Variants in NTRK3 observed in about 807,000 individuals in gnomAD.
The protein encoded by NTRK3 is NT-3 growth factor receptor.
A neutral mutation model predicts 91.7 loss-of-function variants in NTRK3; 24 were observed. The ratio of observed to expected loss-of-function variants is 0.26; its 90% CI spans 0.19 to 0.37. The LOEUF (loss-of-function observed/expected upper bound fraction) is 0.37. Ranked by LOEUF, NTRK3 falls within the 10% of genes least tolerant of loss-of-function variation. NTRK3 has a pLI of 1.00. For synonymous variants in NTRK3, 483 were observed against 404.0 expected, an observed-to-expected ratio of 1.20 and a Z score of -2.34; for missense variants, 880 against 1,068.9, an observed-to-expected ratio of 0.82 and a Z score of 2.46.
At chr15:88,202,582 G>A (rs2048395891) in intron 3 of NTRK3, among the ~76,000 whole-genome samples, 1 of 152,252 alleles carries the variant, frequency 6.6e-6, no homozygotes, top group Non-Finnish European at 1.5e-5. Context: ...ACCCATTCAT[G>A]TCCATCTTCA....
chr15:87,913,286 A>G (rs2067227493), intron 17 of NTRK3, among the ~76,000 whole-genome samples: 1 of 152,104 alleles, frequency 6.6e-6, no homozygotes, highest in Admixed American at 6.6e-5. Flanking sequence ...TTCTCTGAAT[A>G]TGATCCTTCA....
At chr15:88,136,415 C>T (rs1429176887) in intron 8 of NTRK3, 52 bp downstream of exon 8, 10 of 1,612,588 alleles carry the variant, frequency 6.2e-6, no homozygotes, top group Non-Finnish European at 8.5e-6. Context: ...TTCAAGACTA[C>T]AGTGTGATCA....
At chr15:88,011,377 G>A (rs2076870233) in intron 14 of NTRK3, among the ~76,000 whole-genome samples, 1 of 152,146 alleles carries the variant, frequency 6.6e-6, no homozygotes, top group South Asian at 2.1e-4. Flanking sequence ...GACTCTACTA[G>A]TAAGTCTGTA....
intron 13 of NTRK3, among the ~76,000 whole-genome samples, chr15:88,108,412 C>G (rs767769093): frequency 6.6e-6 from 1 of 152,180 alleles, no homozygotes; most frequent in Non-Finnish European, 1.5e-5. Flanking sequence ...AGGATTCAAA[C>G]CTGGTGATCC....
chr15:88,230,944 A>G (rs2141722202), intron 3 of NTRK3, among the ~76,000 whole-genome samples: 1 of 152,352 alleles, frequency 6.6e-6, no homozygotes, highest in Non-Finnish European at 1.5e-5. Context: ...CCATGGCAGA[A>G]TGGGCTCTCA....
At chr15:88,164,682 C>A (rs1191326762) in intron 5 of NTRK3, among the ~76,000 whole-genome samples, 2 of 152,112 alleles carry the variant, frequency 1.3e-5, no homozygotes, top group African/African-American at 4.8e-5. Flanking sequence ...CTCTCCCCAC[C>A]CTGCCCCCAT....
chr15:87,924,829 C>G (rs2068158531), intron 17 of NTRK3, among the ~76,000 whole-genome samples: 1 of 152,164 alleles, frequency 6.6e-6, no homozygotes, highest in Non-Finnish European at 1.5e-5. Context: ...GGACAGCACA[C>G]AGGCACACAG....
At chr15:88,060,568 A>G (rs1440154964) in intron 13 of NTRK3, among the ~76,000 whole-genome samples, 3 of 152,064 alleles carry the variant, frequency 2.0e-5, no homozygotes, top group African/African-American at 7.2e-5. Context: ...GACAGGGTAG[A>G]GAGGCAGCCC....
At chr15:88,199,618 G>A (rs561596343) in intron 3 of NTRK3, among the ~76,000 whole-genome samples, 19 of 152,314 alleles carry the variant, frequency 1.2e-4, no homozygotes, top group Admixed American at 3.3e-4. Flanking sequence ...GACTCTAACC[G>A]CCCCTCTTCT....
At chr15:88,002,695 A>T (rs2076204106) in intron 14 of NTRK3, among the ~76,000 whole-genome samples, 1 of 151,966 alleles carries the variant, frequency 6.6e-6, no homozygotes, top group African/African-American at 2.4e-5. Context: ...CTATGCAAAA[A>T]AAAAAAAAAA....
At chr15:87,896,483 A>C (rs1337154627) in intron 17 of NTRK3, among the ~76,000 whole-genome samples, 3 of 151,630 alleles carry the variant, frequency 2.0e-5, no homozygotes, top group Admixed American at 6.6e-5. Flanking sequence ...GAAAAAAAAA[A>C]AAAAGAAAGA....
chr15:87,958,567 C>T (rs1400451301), intron 14 of NTRK3, among the ~76,000 whole-genome samples: 1 of 152,026 alleles, frequency 6.6e-6, no homozygotes, highest in Non-Finnish European at 1.5e-5. Context: ...CACTCAACGG[C>T]TCAAGCCCCT....
At chr15:87,906,919 CT>C (rs1465832251) in intron 17 of NTRK3, among the ~76,000 whole-genome samples, 2 of 152,118 alleles carry the variant, frequency 1.3e-5, no homozygotes, top group Non-Finnish European at 2.9e-5. Context: ...CGATTTTTGT[CT>C]GTTTTACTCA....
At chr15:87,863,524 C>CCTT in exon 19 of NTRK3, 1 of 187,954 alleles carries the variant, frequency 5.3e-6, no homozygotes, top group Middle Eastern at 1.9e-3. Flanking sequence ...TTCCAAAAGT[C>CCTT]TTTTTTTTTT....
intron 6 of NTRK3, among the ~76,000 whole-genome samples, chr15:88,138,520 C>T (rs897758180): frequency 1.3e-5 from 2 of 152,202 alleles, no homozygotes; most frequent in Non-Finnish European, 2.9e-5. Flanking sequence ...AAATAATCTG[C>T]ACCATTCTCC....
At chr15:88,032,901 G>A (rs2142018574) in exon 14 of NTRK3, 2 of 1,613,774 alleles carry the variant, frequency 1.2e-6, no homozygotes, top group Non-Finnish European at 1.7e-6. Flanking sequence ...GAAGTACTGG[G>A]GGTTCTCAAT....
intron 13 of NTRK3, among the ~76,000 whole-genome samples, chr15:88,047,455 T>C (rs2080329012): frequency 6.6e-6 from 1 of 152,186 alleles, no homozygotes; most frequent in Non-Finnish European, 1.5e-5. Context: ...AGAGATCTCA[T>C]CTGAAAATGT....
At chr15:87,998,134 C>T (rs1394957716) in intron 14 of NTRK3, among the ~76,000 whole-genome samples, 2 of 152,192 alleles carry the variant, frequency 1.3e-5, no homozygotes, top group African/African-American at 4.8e-5. Flanking sequence ...ATGTGAATAG[C>T]ATCCTCCACC....
At chr15:88,147,257 T>C in intron 6 of NTRK3, 78 bp downstream of exon 6, 1 of 1,344,014 alleles carries the variant, frequency 7.4e-7, no homozygotes, top group Non-Finnish European at 1.1e-6. Context: ...CTTCAGGTGG[T>C]TCCACTGCTT....
Sources: allele counts gnomAD v4.1 joint callset (sites outside exome capture counted in the v4.1 genomes callset), GRCh38; gene constraint gnomAD v4.1.1; transcripts MANE v1.5; gene names NCBI Gene and HGNC (gene_info 2026-07-23, HGNC 2026-07-21).